Variants in BRI3 observed in about 807,000 individuals in gnomAD.
The protein encoded by BRI3 is membrane protein BRI3.
BRI3 carries 6 observed loss-of-function variants against 12.8 expected under a neutral mutation model. That is an observed-to-expected ratio of 0.47 (90% CI 0.26 to 0.93). BRI3 has a LOEUF of 0.93. BRI3 is among the 40% of genes least tolerant of loss of function. BRI3 has a pLI of 0.15. For synonymous variants in BRI3, 91 were observed against 76.1 expected (o/e 1.20, Z -1.02); for missense variants, 134 against 171.1 (o/e 0.78, Z 1.21).
At chr7:98,283,738 G>A (rs990910517) in intron 2 of BRI3, among the ~76,000 whole-genome samples, 13 of 152,166 alleles carry the variant, frequency 8.5e-5, no homozygotes, top group Admixed American at 8.5e-4. Flanking sequence ...GCCGGGTTCC[G>A]GTCCTGGTCC....
At chr7:98,290,178 GTTGTTTTTTTTTTTT>G (rs1391415863) in intron 2 of BRI3, among the ~76,000 whole-genome samples, 1 of 92,280 alleles carries the variant, frequency 1.1e-5, no homozygotes, top group Non-Finnish European at 2.4e-5. Context: ...GCCTCTCAAG[GTTGTTTTTTTTTTTT>G]TTTTTTTTTT....
chr7:98,312,040 C>T (rs986430556), downstream of BRI3: 1 of 1,516,440 alleles, frequency 6.6e-7, no homozygotes, highest in African/African-American at 1.4e-5. Context: ...GCAAATTTGG[C>T]CCAGATCAAG....
At chr7:98,291,042 T>TGGCAGGG (rs1185284706) in intron 2 of BRI3, 69 bp from the exon 3 acceptor site, 12 of 1,576,874 alleles carry the variant, frequency 7.6e-6, no homozygotes, top group Non-Finnish European at 9.6e-6. Flanking sequence ...AATGCAAGGG[T>TGGCAGGG]GGCAGGGGTG....
At chr7:98,291,717 G>A (rs1268090488), downstream of BRI3, 3 of 211,754 alleles carry the variant, frequency 1.4e-5, no homozygotes, top group Non-Finnish European at 2.5e-5. Context: ...GCACCTCGGT[G>A]CCAAGGACCA....
intron 2 of BRI3, among the ~76,000 whole-genome samples, chr7:98,285,824 C>T (rs537303200): frequency 1.3e-5 from 2 of 152,308 alleles, no homozygotes; most frequent in East Asian, 3.9e-4. Context: ...CACCCTGGGA[C>T]AGCCAGAGCC....
In BRI3 at chr7:98,281,718, CCCG is replaced by C. The variant is rs946292198; in HGVS notation, c.-64_-62del. 0.015 allele frequency: 10,771 copies of C among 716,578 alleles called. No homozygotes were observed. Among genetic ancestry groups the C allele is most frequent in the Non-Finnish European group, 0.017 (9,858 of 590,846 alleles). The allele number at this position is 716,578 out of a possible 1,614,324, so 44.4% of individuals were successfully genotyped here. ...CCCGAGCCACCCGGTCCGCCGCGTCCCCGCCGCCGCCGCCGCGTCCCCCGCCGG... is the reference window on the plus strand; with the variant it reads ...CCCGAGCCACCCGGTCCGCCGCGTCCCCGCCGCCGCCGCGTCCCCCGCCGG... On this transcript the variant is annotated 5_prime_UTR_variant, in exon 1 of 3. Coordinates refer to ENST00000297290, the MANE Select transcript of BRI3 (RefSeq NM_015379.5).
chr7:98,306,849 A>G (rs376250822), intron 1 of BRI3: 1 of 320,034 alleles, frequency 3.1e-6, no homozygotes. Flanking sequence ...TGTGACTAGA[A>G]GTGTGCACCA....
chr7:98,285,958 G>T (rs1799698618), intron 2 of BRI3, among the ~76,000 whole-genome samples: 1 of 152,204 alleles, frequency 6.6e-6, no homozygotes, highest in Non-Finnish European at 1.5e-5. Context: ...CGGGGTGGTG[G>T]TCTGGGGTTG....
At chr7:98,309,686 C>G (rs1800799202) in exon 2 of BRI3, 1 of 152,242 alleles carries the variant, frequency 6.6e-6, no homozygotes, top group Non-Finnish European at 1.5e-5. Context: ...CCAGGGCTCT[C>G]TCTCACAAAC....
chr7:98,316,984 C>G, the BRI3 span, among the ~76,000 whole-genome samples: 1 of 54,326 alleles, frequency 1.8e-5, no homozygotes, highest in South Asian at 4.5e-4. Context: ...CTGCCTCAGC[C>G]TCCGAGTAGC....
downstream of BRI3, chr7:98,312,274 C>T: frequency 6.3e-7 from 1 of 1,593,694 alleles, no homozygotes; most frequent in East Asian, 2.2e-5. Flanking sequence ...ACTGCAAAGC[C>T]AAAAGAAGAA....
chr7:98,306,490 G>T (rs768990780), upstream of BRI3: 1 of 1,614,100 alleles, frequency 6.2e-7, no homozygotes, highest in Non-Finnish European at 8.5e-7. Context: ...CAGCAACTTC[G>T]TGTACGACGA....
chr7:98,285,461 T>C (rs1162775167), intron 2 of BRI3, among the ~76,000 whole-genome samples: 2 of 152,156 alleles, frequency 1.3e-5, no homozygotes, highest in Admixed American at 1.3e-4. Context: ...TCTGCCCATA[T>C]GTATGGCCTG....
At chr7:98,299,830 C>G (rs186043410) in intron 1 of BRI3, among the ~76,000 whole-genome samples, 388 of 152,244 alleles carry the variant, frequency 2.5e-3, no homozygotes, top group Non-Finnish European at 4.5e-3. Flanking sequence ...CACCTGAGAT[C>G]AGGAGTTCGA....
exon 2 of BRI3, chr7:98,308,088 CAGCG>C: frequency 1.4e-6 from 1 of 701,680 alleles, no homozygotes; most frequent in Non-Finnish European, 2.6e-6. Flanking sequence ...GAAACAGAGG[CAGCG>C]TGCAGCCTGA....
chr7:98,320,359 G>T, the BRI3 span: 1 of 1,332,294 alleles, frequency 7.5e-7, no homozygotes, highest in Non-Finnish European at 1.0e-6. Flanking sequence ...TTTTGAAATG[G>T]AGTTTTTGCT....
chr7:98,285,335 G>A (rs988905964), intron 2 of BRI3, among the ~76,000 whole-genome samples: 1 of 152,150 alleles, frequency 6.6e-6, no homozygotes, highest in African/African-American at 2.4e-5. Flanking sequence ...GAAGGAGCCT[G>A]TGACAGCCTT....
chr7:98,297,745 T>C (rs985517636), downstream of BRI3, among the ~76,000 whole-genome samples: 3 of 152,188 alleles, frequency 2.0e-5, no homozygotes, highest in Admixed American at 2.0e-4. Flanking sequence ...GGCACCCATG[T>C]TGTGACGCAA....
intron 2 of BRI3, 39 bp from the exon 3 acceptor site, chr7:98,291,072 T>C: frequency 1.2e-6 from 2 of 1,612,552 alleles, no homozygotes; most frequent in Middle Eastern, 1.7e-4. Flanking sequence ...GCTGCCCGGG[T>C]CCTTACGGTG....
Sources: allele counts gnomAD v4.1 joint callset (sites outside exome capture counted in the v4.1 genomes callset), GRCh38; gene constraint gnomAD v4.1.1; transcripts MANE v1.5; gene names NCBI Gene and HGNC (gene_info 2026-07-23, HGNC 2026-07-21).